The following RP1 variants were observed in gnomAD, a reference collection of about 807,000 sequenced individuals.
RP1 encodes the protein RP1 axonemal microtubule associated.
RP1 carries 16 observed loss-of-function variants against 14.8 expected under a neutral mutation model. The ratio of observed to expected loss-of-function variants is 1.08; its 90% CI spans 0.73 to 1.65. The LOEUF (loss-of-function observed/expected upper bound fraction) is 1.65, where lower values mean the gene tolerates loss of function less well. RP1 is among the 40% of genes most tolerant of loss of function. The probability of loss-of-function intolerance (pLI) is 0.00; values close to 1 mark genes in which losing one functional copy is unlikely to be tolerated. For synonymous variants in RP1, 876 were observed against 883.6 expected (o/e 0.99, Z 0.15); for missense variants, 2,631 against 2,535.0 (o/e 1.04, Z -0.81).
intron 19 of RP1, among the ~76,000 whole-genome samples, chr8:54,749,463 C>G (rs1179381237): frequency 6.6e-6 from 1 of 152,192 alleles, no homozygotes; most frequent in East Asian, 1.9e-4. Flanking sequence ...TCTGCCCTCA[C>G]AACCCCAAGT....
intron 3 of RP1, 127 bp from the exon 4 acceptor site, chr8:54,624,543 T>A: frequency 1.1e-6 from 1 of 870,190 alleles, no homozygotes; most frequent in East Asian, 2.4e-5. Flanking sequence ...ATATGCTACT[T>A]TTCATACTAA....
At chr8:54,737,506 C>T (rs940154025) in intron 18 of RP1, among the ~76,000 whole-genome samples, 3 of 152,154 alleles carry the variant, frequency 2.0e-5, no homozygotes, top group Non-Finnish European at 4.4e-5. Context: ...ACAAACTAGC[C>T]TCAAACTGGA....
intron 24 of RP1, among the ~76,000 whole-genome samples, chr8:54,806,940 AG>A (rs1356975978): frequency 1.3e-5 from 2 of 152,234 alleles, no homozygotes; most frequent in African/African-American, 4.8e-5. Flanking sequence ...TTCTCTTTAA[AG>A]TCTTATTTGC....
At chr8:54,675,781 G>A (rs1807283756) in intron 8 of RP1, among the ~76,000 whole-genome samples, 1 of 152,120 alleles carries the variant, frequency 6.6e-6, no homozygotes, top group Non-Finnish European at 1.5e-5. Context: ...ATTTTCTGCT[G>A]AGGTCTCAAA....
intron 25 of RP1, among the ~76,000 whole-genome samples, chr8:54,843,920 A>G (rs533390044): frequency 9.8e-5 from 15 of 152,292 alleles, no homozygotes; most frequent in African/African-American, 3.6e-4. Context: ...GGGACTAGGG[A>G]ACTCCCCAAA....
chr8:54,593,269 T>C (rs1395703887), intron 1 of RP1, among the ~76,000 whole-genome samples: 4 of 152,214 alleles, frequency 2.6e-5, no homozygotes, highest in Non-Finnish European at 5.9e-5. Context: ...AAATGTGTCT[T>C]ATCTCTTGCT....
At chr8:54,841,571 G>C (rs1811791178) in intron 25 of RP1, among the ~76,000 whole-genome samples, 2 of 152,188 alleles carry the variant, frequency 1.3e-5, no homozygotes. Context: ...TGGGGGCTGA[G>C]CTACATTGCT....
intron 24 of RP1, among the ~76,000 whole-genome samples, chr8:54,823,119 C>T (rs1304159445): frequency 2.0e-5 from 3 of 152,216 alleles, no homozygotes; most frequent in Non-Finnish European, 2.9e-5. Context: ...CCCGCCGCCC[C>T]CTCAGCTGCA....
At chr8:54,783,971 GT>G (rs1810254439) in intron 24 of RP1, among the ~76,000 whole-genome samples, 1 of 152,146 alleles carries the variant, frequency 6.6e-6, no homozygotes, top group Non-Finnish European at 1.5e-5. Context: ...AAAAATTAGA[GT>G]GGAATAATTT....
At chr8:54,666,740 G>C (rs1222636008) in intron 7 of RP1, among the ~76,000 whole-genome samples, 1 of 151,886 alleles carries the variant, frequency 6.6e-6, no homozygotes. Flanking sequence ...CTGGAAGTTA[G>C]ATAATTTTCC....
chr8:54,562,561 C>CTA (rs890631951), intron 1 of RP1, among the ~76,000 whole-genome samples: 5 of 151,870 alleles, frequency 3.3e-5, no homozygotes, highest in African/African-American at 1.2e-4. Flanking sequence ...GTAATCCCAG[C>CTA]TACTCAGGAG....
chr8:54,628,511 T>A lies in RP1; in HGVS notation c.4629T>A (p.Asp1543Glu). The change falls in exon 4 of 4, where the codon GAT becomes GAA. Residue 1543 changes from aspartate (D) to glutamate (E), a missense_variant. By Grantham distance (45) the Asp-to-Glu change is conservative (BLOSUM62 2). Transcript: ENST00000220676. ...ATPPSLDFCY[D>E]SKQNSEKETN... ...CACCATCTTTAGATTTTTGCTATGA[T>A]TCTAAGCAAAATAGTGAAAAGGAGA... The A allele has an allele frequency of 6.2e-7, 1 of 1,613,978 alleles. No individual in the cohort carries two copies.
At chr8:54,669,448 C>T (rs750348574) in intron 7 of RP1, among the ~76,000 whole-genome samples, 20 of 152,246 alleles carry the variant, frequency 1.3e-4, no homozygotes, top group Non-Finnish European at 2.2e-4. Context: ...ACTAGTTCAA[C>T]GATTGTGGAA....
chr8:54,652,932 C>G, intron 5 of RP1: 1 of 1,087,080 alleles, frequency 9.2e-7, no homozygotes, highest in Non-Finnish European at 1.4e-6. Context: ...CAGGAGTCAA[C>G]TCATCATGCC....
At chr8:54,780,562 T>G (rs1396964681) in intron 23 of RP1, among the ~76,000 whole-genome samples, 1 of 152,210 alleles carries the variant, frequency 6.6e-6, no homozygotes, top group Non-Finnish European at 1.5e-5. Flanking sequence ...GATAAAAATA[T>G]TTTTAAAAAG....
chr8:54,821,888 A>T (rs1811263918), intron 24 of RP1, among the ~76,000 whole-genome samples: 2 of 152,162 alleles, frequency 1.3e-5, no homozygotes, highest in South Asian at 4.1e-4. Context: ...AAAAAAATGG[A>T]TTGGTCTAGA....
At chr8:54,761,581 C>T (rs532647828) in intron 22 of RP1, among the ~76,000 whole-genome samples, 1 of 152,174 alleles carries the variant, frequency 6.6e-6, no homozygotes, top group South Asian at 2.1e-4. Flanking sequence ...CCATGGCCTC[C>T]TTTGGAAGGA....
intron 22 of RP1, among the ~76,000 whole-genome samples, chr8:54,762,299 G>A (rs1383015844): frequency 3.9e-5 from 6 of 152,054 alleles, no homozygotes; most frequent in Non-Finnish European, 8.8e-5. Flanking sequence ...GTCCCTTTTT[G>A]TGGGCTCGGG....
At chr8:54,685,381 T>G (rs1031613984) in intron 12 of RP1, among the ~76,000 whole-genome samples, 1 of 152,138 alleles carries the variant, frequency 6.6e-6, no homozygotes, top group African/African-American at 2.4e-5. Flanking sequence ...TTCAAAGAAT[T>G]TCTTGATTTC....
Sources: allele counts gnomAD v4.1 joint callset (sites outside exome capture counted in the v4.1 genomes callset), GRCh38; gene constraint gnomAD v4.1.1; transcripts MANE v1.5; gene names NCBI Gene and HGNC (gene_info 2026-07-23, HGNC 2026-07-21).